The following ASIC2 variants were observed in gnomAD, a reference collection of about 807,000 sequenced individuals.
ASIC2 encodes the protein acid sensing ion channel subunit 2.
A neutral mutation model predicts 57.3 loss-of-function variants in ASIC2; 25 were observed. The ratio of observed to expected loss-of-function variants is 0.44; its 90% confidence interval spans 0.32 to 0.61. The LOEUF is 0.61. Among genes scored for constraint, ASIC2 ranks in the 20% least tolerant of loss-of-function variants. The pLI is 0.06. For missense variants in ASIC2, 641 were observed against 738.1 expected (o/e 0.87, Z 1.52); for synonymous variants, 319 against 307.5 (o/e 1.04, Z -0.39).
chr17:34,121,503 T>C (rs1364751594), intron 1 of ASIC2, among the ~76,000 whole-genome samples: 1 of 152,136 alleles, frequency 6.6e-6, no homozygotes, highest in African/African-American at 2.4e-5. Context: ...CATGGAGCAT[T>C]AGAAAGGCCT....
At chr17:34,022,343 G>A (rs1220857116) in intron 1 of ASIC2, among the ~76,000 whole-genome samples, 1 of 152,132 alleles carries the variant, frequency 6.6e-6, no homozygotes, top group African/African-American at 2.4e-5. Context: ...ATCTCTGGCT[G>A]TTCCCAGGGT....
At chr17:33,816,017 A>G (rs924074742) in intron 1 of ASIC2, among the ~76,000 whole-genome samples, 1 of 152,164 alleles carries the variant, frequency 6.6e-6, no homozygotes, top group Non-Finnish European at 1.5e-5. Context: ...AGTGCACATT[A>G]CATAGGGACA....
chr17:34,053,274 C>A (rs1241319205), intron 1 of ASIC2, among the ~76,000 whole-genome samples: 1 of 152,172 alleles, frequency 6.6e-6, no homozygotes, highest in Non-Finnish European at 1.5e-5. Flanking sequence ...AGGCATTTTA[C>A]ACACTCATAA....
chr17:33,113,532 C>T lies in ASIC2; in HGVS notation c.709-1465G>A, dbSNP rs566330670. Among the ~76,000 whole-genome samples the T allele has an allele frequency of 4.6e-5, 7 of 152,328 alleles. No homozygotes were observed. In the South Asian group the frequency reaches 1.4e-3, roughly 32 times the overall value. ...AGCATGCTCCACTGCACTGTCCCATCCTACAGCATGGAGGCCACAGGGAGG... is the reference window on the plus strand; with the variant it reads ...AGCATGCTCCACTGCACTGTCCCATTCTACAGCATGGAGGCCACAGGGAGG... On this transcript the variant is annotated intron_variant, in intron 1 of 9. Coordinates refer to ENST00000225823, the MANE Select transcript of ASIC2 (RefSeq NM_183377.2).
At chr17:34,038,033 T>C (rs1345672583) in intron 1 of ASIC2, 2 of 1,613,312 alleles carry the variant, frequency 1.2e-6, no homozygotes, top group African/African-American at 1.3e-5. Context: ...ACCAGCACCT[T>C]GTGATGTTAG....
chr17:33,014,453 G>T (rs959224209), intron 9 of ASIC2, among the ~76,000 whole-genome samples: 1 of 151,998 alleles, frequency 6.6e-6, no homozygotes, highest in Non-Finnish European at 1.5e-5. Flanking sequence ...CCATGGCTAA[G>T]CCTGGGGCAG....
intron 1 of ASIC2, among the ~76,000 whole-genome samples, chr17:33,635,875 C>G (rs1567675718): frequency 6.6e-6 from 1 of 152,146 alleles, no homozygotes. Flanking sequence ...AAGGCACACA[C>G]AAGGATGCTC....
chr17:33,217,193 A>G (rs958254613), intron 1 of ASIC2, among the ~76,000 whole-genome samples: 2 of 152,174 alleles, frequency 1.3e-5, no homozygotes, highest in Non-Finnish European at 2.9e-5. Flanking sequence ...CCTGTTTCCT[A>G]GAGGCACTTC....
intron 1 of ASIC2, among the ~76,000 whole-genome samples, chr17:34,096,344 T>C (rs1320692489): frequency 6.6e-6 from 1 of 152,084 alleles, no homozygotes; most frequent in Non-Finnish European, 1.5e-5. Flanking sequence ...GAGTTCAGGA[T>C]CCATTAAAGT....
intron 1 of ASIC2, among the ~76,000 whole-genome samples, chr17:33,996,733 A>G (rs549707653): frequency 6.6e-6 from 1 of 152,270 alleles, no homozygotes; most frequent in South Asian, 2.1e-4. Context: ...TTTAATTTCA[A>G]TACTGTGCTG....
intron 1 of ASIC2, among the ~76,000 whole-genome samples, chr17:33,375,362 A>G (rs979579418): frequency 6.7e-6 from 1 of 149,644 alleles, no homozygotes; most frequent in South Asian, 2.2e-4. Context: ...GTTCAAGAAG[A>G]GTAGAGAGGC....
chr17:33,997,843 T>C (rs769709395), intron 1 of ASIC2, among the ~76,000 whole-genome samples: 24 of 152,138 alleles, frequency 1.6e-4, no homozygotes, highest in Non-Finnish European at 2.5e-4. Context: ...TTCCTTTCTG[T>C]AGTGTTCTTG....
At chr17:34,027,402 G>T (rs1029892980) in intron 1 of ASIC2, among the ~76,000 whole-genome samples, 1 of 151,964 alleles carries the variant, frequency 6.6e-6, no homozygotes, top group Non-Finnish European at 1.5e-5. Context: ...ATGTCATCAC[G>T]GGTCAGACTT....
intron 1 of ASIC2, chr17:34,082,246 A>G (rs1909912652): frequency 6.6e-6 from 1 of 152,192 alleles, no homozygotes; most frequent in Non-Finnish European, 1.5e-5. Context: ...CCTGGAGATG[A>G]GAACACTAGA....
chr17:33,937,240 T>TA (rs1342825425), intron 1 of ASIC2, among the ~76,000 whole-genome samples: 23 of 152,198 alleles, frequency 1.5e-4, no homozygotes, highest in Admixed American at 3.9e-4. Flanking sequence ...TAGCTGGGAT[T>TA]ACACTCACGT....
chr17:34,038,736 ATTCTT>A, intron 1 of ASIC2: 3 of 1,606,816 alleles, frequency 1.9e-6, no homozygotes, highest in Non-Finnish European at 2.6e-6. Context: ...TGTTCATGGT[ATTCTT>A]TTAACGTTAA....
intron 1 of ASIC2, among the ~76,000 whole-genome samples, chr17:34,020,083 C>A (rs902489145): frequency 6.6e-6 from 1 of 152,150 alleles, no homozygotes; most frequent in Non-Finnish European, 1.5e-5. Flanking sequence ...GGGAAAAATG[C>A]CTCATCTCTT....
intron 1 of ASIC2, among the ~76,000 whole-genome samples, chr17:33,750,752 A>G (rs192911570): frequency 6.6e-6 from 1 of 152,262 alleles, no homozygotes; most frequent in Non-Finnish European, 1.5e-5. Context: ...AGCAGGGCTG[A>G]TCTGTGATTT....
intron 1 of ASIC2, among the ~76,000 whole-genome samples, chr17:33,386,239 T>C (rs1034506078): frequency 6.6e-6 from 1 of 152,166 alleles, no homozygotes; most frequent in Non-Finnish European, 1.5e-5. Flanking sequence ...TCTCCACCCT[T>C]GACCTCTAGA....
Sources: gnomAD v4.1 joint callset for allele counts (sites outside exome capture counted in the v4.1 genomes callset) on GRCh38, gnomAD v4.1.1 for gene constraint, MANE v1.5 for transcripts, NCBI Gene and HGNC (gene_info 2026-07-23, HGNC 2026-07-21) for gene names.